KCND2: variants seen among roughly 807,000 people sequenced by gnomAD.
KCND2 encodes the protein potassium voltage-gated channel subfamily D member 2, also known as A-type voltage-gated potassium channel KCND2.
A neutral mutation model predicts 54.4 loss-of-function variants in KCND2; 16 were observed. The observed-to-expected ratio is 0.29, with a 90% CI of 0.20 to 0.45. KCND2 has a LOEUF of 0.45. Among genes scored for constraint, KCND2 ranks in the 20% least tolerant of loss-of-function variants. The pLI, the probability that KCND2 is intolerant of heterozygous loss-of-function variation, is 1.00. For synonymous variants in KCND2, 317 were observed against 310.7 expected, an observed-to-expected ratio of 1.02 and a Z score of -0.21; for missense variants, 486 against 824.2, an observed-to-expected ratio of 0.59 and a Z score of 5.02.
chr7:120,414,880 C>T (rs982393702), intron 1 of KCND2, among the ~76,000 whole-genome samples: 2 of 152,122 alleles, frequency 1.3e-5, no homozygotes, highest in South Asian at 2.1e-4. Context: ...TCTCACCCTT[C>T]CCTTCTGCCT....
At position 120,682,894 on chromosome 7, in the gene KCND2, C is replaced by A. The variant is rs1792157539; in HGVS notation, c.1116-50009C>A. 2.6e-5 allele frequency among the ~76,000 whole-genome samples: 4 copies of A among 152,104 alleles called. No individual in the cohort carries two copies. In the South Asian group the frequency reaches 8.3e-4, roughly 31 times the overall value. ...CATTATTTGGTTTGTTGGTGATATT[C>A]CTACTCAGGGTGTTAAAATGACTAC... On this transcript the variant is annotated intron_variant, in intron 1 of 5. Coordinates refer to ENST00000331113, the MANE Select transcript of KCND2 (RefSeq NM_012281.3).
At chr7:120,701,899 C>A (rs1354257362) in intron 1 of KCND2, among the ~76,000 whole-genome samples, 1 of 152,086 alleles carries the variant, frequency 6.6e-6, no homozygotes, top group African/African-American at 2.4e-5. Context: ...TAGAAAAAAG[C>A]AGTGATTTCA....
intron 1 of KCND2, among the ~76,000 whole-genome samples, chr7:120,695,252 T>C (rs1792319300): frequency 6.6e-6 from 1 of 151,576 alleles, no homozygotes; most frequent in Admixed American, 6.6e-5. Context: ...GATATTTCAA[T>C]GGCTTGTTTT....
At chr7:120,438,768 T>C (rs1801906302) in intron 1 of KCND2, among the ~76,000 whole-genome samples, 1 of 152,152 alleles carries the variant, frequency 6.6e-6, no homozygotes, top group South Asian at 2.1e-4. Context: ...TTTCTTTGAT[T>C]CCTGTGGCAT....
intron 1 of KCND2, among the ~76,000 whole-genome samples, chr7:120,642,576 A>T (rs1283316410): frequency 6.7e-6 from 1 of 149,684 alleles, no homozygotes; most frequent in Non-Finnish European, 1.5e-5. Context: ...AAATAAAAAA[A>T]AATATATATA....
chr7:120,304,401 A>G (rs909799755), intron 1 of KCND2, among the ~76,000 whole-genome samples: 1 of 152,152 alleles, frequency 6.6e-6, no homozygotes, highest in Admixed American at 6.6e-5. Flanking sequence ...ATTACATAAG[A>G]TTTTTCTTGG....
At chr7:120,714,030 G>A (rs1278825734) in intron 1 of KCND2, among the ~76,000 whole-genome samples, 1 of 152,020 alleles carries the variant, frequency 6.6e-6, no homozygotes, top group Admixed American at 6.6e-5. Context: ...CTCACTGGAG[G>A]ATACCATATC....
chr7:120,282,532 A>T (rs1182822371), intron 1 of KCND2, among the ~76,000 whole-genome samples: 1 of 152,156 alleles, frequency 6.6e-6, no homozygotes, highest in African/African-American at 2.4e-5. Context: ...CAAGTCTATT[A>T]TGTAATGATC....
intron 1 of KCND2, among the ~76,000 whole-genome samples, chr7:120,390,692 G>T (rs542663811): frequency 3.2e-4 from 49 of 151,740 alleles, no homozygotes; most frequent in African/African-American, 1.1e-3. Context: ...CCTTCATTTT[G>T]TTTATCAAAA....
intron 1 of KCND2, among the ~76,000 whole-genome samples, chr7:120,332,926 A>G (rs1444771931): frequency 1.3e-5 from 2 of 152,114 alleles, no homozygotes; most frequent in African/African-American, 2.4e-5. Flanking sequence ...ATCCAAGATA[A>G]TAGACTTATT....
chr7:120,367,801 T>A (rs960173835), intron 1 of KCND2, among the ~76,000 whole-genome samples: 4 of 151,966 alleles, frequency 2.6e-5, no homozygotes, highest in Non-Finnish European at 5.9e-5. Flanking sequence ...TTATAATCAT[T>A]TTCAAAAGGA....
intron 1 of KCND2, among the ~76,000 whole-genome samples, chr7:120,478,079 C>G (rs1802555422): frequency 6.6e-6 from 1 of 152,112 alleles, no homozygotes; most frequent in Non-Finnish European, 1.5e-5. Flanking sequence ...ATGCATTACA[C>G]ATTAATTCAA....
At chr7:120,590,297 G>A (rs1049882945) in intron 1 of KCND2, among the ~76,000 whole-genome samples, 8 of 152,120 alleles carry the variant, frequency 5.3e-5, no homozygotes, top group East Asian at 1.9e-4. Flanking sequence ...GGATACAGGC[G>A]TGAGCCACTG....
At chr7:120,735,330 A>G (rs1033001272) in intron 2 of KCND2, among the ~76,000 whole-genome samples, 4 of 152,050 alleles carry the variant, frequency 2.6e-5, no homozygotes, top group Non-Finnish European at 5.9e-5. Context: ...GACGCTGCCC[A>G]TACAGTACAG....
intron 1 of KCND2, among the ~76,000 whole-genome samples, chr7:120,578,153 T>C (rs926195099): frequency 6.6e-5 from 10 of 151,988 alleles, no homozygotes; most frequent in African/African-American, 2.4e-4. Context: ...CCTGATGCAG[T>C]AGCATGTACC....
chr7:120,598,982 A>G (rs1792782038), intron 1 of KCND2, among the ~76,000 whole-genome samples: 1 of 152,136 alleles, frequency 6.6e-6, no homozygotes, highest in Admixed American at 6.6e-5. Context: ...TAGCCGATCC[A>G]TTTTGAGTTA....
At chr7:120,549,652 T>A (rs1337839171) in intron 1 of KCND2, among the ~76,000 whole-genome samples, 1 of 152,178 alleles carries the variant, frequency 6.6e-6, no homozygotes, top group African/African-American at 2.4e-5. Context: ...AGGTTTTCCC[T>A]TTACTCTAAA....
At chr7:120,570,181 A>G (rs775320067) in intron 1 of KCND2, among the ~76,000 whole-genome samples, 1 of 152,184 alleles carries the variant, frequency 6.6e-6, no homozygotes, top group Non-Finnish European at 1.5e-5. Flanking sequence ...GTTGAGCCCT[A>G]GGGATATTTG....
intron 1 of KCND2, among the ~76,000 whole-genome samples, chr7:120,483,043 G>A (rs1802630006): frequency 6.6e-6 from 1 of 152,118 alleles, no homozygotes; most frequent in Admixed American, 6.6e-5. Flanking sequence ...TTTCTAAAAG[G>A]TATTGTTGGG....
Sources: allele counts gnomAD v4.1 joint callset (sites outside exome capture counted in the v4.1 genomes callset), GRCh38; gene constraint gnomAD v4.1.1; transcripts MANE v1.5; gene names NCBI Gene and HGNC (gene_info 2026-07-23, HGNC 2026-07-21).